The following CDK14 variants were observed in gnomAD, a reference collection of about 807,000 sequenced individuals.
CDK14 encodes the protein cyclin-dependent kinase 14.
Under a neutral mutation model 60.7 loss-of-function variants are expected in CDK14, and 34 were observed. The observed-to-expected ratio is 0.56, with a 90% CI of 0.43 to 0.75. The LOEUF (loss-of-function observed/expected upper bound fraction) is 0.75, where lower values mean the gene tolerates loss of function less well. Ranked by LOEUF, CDK14 falls within the 30% of genes least tolerant of loss-of-function variation. The pLI is 0.00. For synonymous variants in CDK14, 197 were observed against 203.7 expected (o/e 0.97, Z 0.28); for missense variants, 482 against 564.1 (o/e 0.85, Z 1.47).
intron 5 of CDK14, among the ~76,000 whole-genome samples, chr7:90,821,241 A>G (rs1413700960): frequency 2.0e-5 from 3 of 152,176 alleles, no homozygotes; most frequent in African/African-American, 7.2e-5. Context: ...AGACACAGCT[A>G]TAAGGAAGTG....
chr7:91,084,577 T>G (rs1473362101), intron 12 of CDK14, among the ~76,000 whole-genome samples: 2 of 152,272 alleles, frequency 1.3e-5, no homozygotes, highest in Non-Finnish European at 2.9e-5. Flanking sequence ...CCTGTCATTT[T>G]GTGTCATTGC....
intron 2 of CDK14, among the ~76,000 whole-genome samples, chr7:90,720,866 C>G (rs1802423932): frequency 1.3e-5 from 2 of 152,062 alleles, no homozygotes; most frequent in Non-Finnish European, 2.9e-5. Context: ...GCCACGGTTA[C>G]AGGATCTGAG....
chr7:90,980,444 G>A (rs2115613315), intron 9 of CDK14, among the ~76,000 whole-genome samples: 1 of 152,164 alleles, frequency 6.6e-6, no homozygotes, highest in Non-Finnish European at 1.5e-5. Context: ...ACCATTCAGT[G>A]CAGTCAATTT....
intron 6 of CDK14, among the ~76,000 whole-genome samples, chr7:90,895,624 G>C (rs900898103): frequency 7.4e-6 from 1 of 135,752 alleles, no homozygotes; most frequent in Non-Finnish European, 1.6e-5. Flanking sequence ...GTAGTGGCTT[G>C]ATCTTGACTC....
intron 2 of CDK14, among the ~76,000 whole-genome samples, chr7:90,666,760 A>G (rs1303532751): frequency 2.0e-5 from 3 of 152,224 alleles, no homozygotes; most frequent in Non-Finnish European, 4.4e-5. Flanking sequence ...AATGGATTCC[A>G]TGACATCGTT....
intron 2 of CDK14, among the ~76,000 whole-genome samples, chr7:90,711,958 A>G (rs770915493): frequency 6.8e-6 from 1 of 147,712 alleles, no homozygotes; most frequent in Non-Finnish European, 1.5e-5. Flanking sequence ...TCCTGGACTC[A>G]TGTGACCCTC....
At chr7:91,010,801 T>TTTCCTTCCTTCCTTCCTTCC (rs1253624022) in intron 10 of CDK14, among the ~76,000 whole-genome samples, 22 of 86,194 alleles carry the variant, frequency 2.6e-4, no homozygotes, top group South Asian at 5.6e-4. Flanking sequence ...TCCTTCCTTC[T>TTTCCTTCCTTCCTTCCTTCC]TTCCTTCCTT....
chr7:90,836,465 T>C (rs938796067), intron 5 of CDK14, among the ~76,000 whole-genome samples: 7 of 152,164 alleles, frequency 4.6e-5, no homozygotes, highest in Admixed American at 2.6e-4. Flanking sequence ...TCCACCTCGA[T>C]GTCTTGTCCC....
At chr7:91,189,402 AAAAGTT>A (rs1256985803) in intron 14 of CDK14, among the ~76,000 whole-genome samples, 3 of 152,214 alleles carry the variant, frequency 2.0e-5, no homozygotes. Flanking sequence ...AATATCTAGT[AAAAGTT>A]AAAGTTCTCA....
intron 3 of CDK14, among the ~76,000 whole-genome samples, chr7:90,728,183 A>G (rs1563059460): frequency 1.3e-5 from 2 of 151,818 alleles, no homozygotes; most frequent in African/African-American, 2.4e-5. Flanking sequence ...TGTTTGTGGA[A>G]CTTTCTAGGA....
chr7:91,177,106 C>T (rs1212458876), intron 14 of CDK14, among the ~76,000 whole-genome samples: 1 of 150,682 alleles, frequency 6.6e-6, no homozygotes, highest in Non-Finnish European at 1.5e-5. Context: ...AAAAGCTTAT[C>T]CACCATGATC....
chr7:90,665,184 C>T (rs1584779264), intron 2 of CDK14, among the ~76,000 whole-genome samples: 1 of 151,926 alleles, frequency 6.6e-6, no homozygotes. Flanking sequence ...ACTCGGGAGG[C>T]TGAGGCAGGA....
chr7:91,141,649 ACCAGCT>A (rs1186424553), intron 14 of CDK14, among the ~76,000 whole-genome samples: 1 of 152,056 alleles, frequency 6.6e-6, no homozygotes, highest in East Asian at 1.9e-4. Context: ...CATCTCGGCT[ACCAGCT>A]TCTCCATGAT....
intron 3 of CDK14, among the ~76,000 whole-genome samples, chr7:90,728,616 A>G (rs902912411): frequency 1.3e-5 from 2 of 151,912 alleles, no homozygotes; most frequent in African/African-American, 4.8e-5. Flanking sequence ...TTCCTTTTAC[A>G]TATTCTCTGA....
At chr7:91,165,174 A>G (rs1051249119) in intron 14 of CDK14, among the ~76,000 whole-genome samples, 3 of 152,196 alleles carry the variant, frequency 2.0e-5, no homozygotes, top group Non-Finnish European at 2.9e-5. Context: ...CATTATGCAC[A>G]GTAGTAACTA....
intron 2 of CDK14, among the ~76,000 whole-genome samples, chr7:90,640,962 G>A (rs973148963): frequency 6.6e-6 from 1 of 151,942 alleles, no homozygotes; most frequent in Non-Finnish European, 1.5e-5. Context: ...CTTCAAAGAG[G>A]ATATACACAT....
At chr7:91,140,935 A>C (rs1800438268) in intron 14 of CDK14, among the ~76,000 whole-genome samples, 1 of 152,082 alleles carries the variant, frequency 6.6e-6, no homozygotes, top group South Asian at 2.1e-4. Flanking sequence ...AAAAATCTAG[A>C]CCATCTTACA....
chr7:91,063,558 G>C (rs915375556), intron 11 of CDK14, among the ~76,000 whole-genome samples: 1 of 152,200 alleles, frequency 6.6e-6, no homozygotes, highest in Non-Finnish European at 1.5e-5. Flanking sequence ...TTTAGAGCCA[G>C]CTTTGTAAAT....
chr7:90,705,481 T>G (rs1042958745), intron 2 of CDK14, among the ~76,000 whole-genome samples: 2 of 151,984 alleles, frequency 1.3e-5, no homozygotes, highest in African/African-American at 4.8e-5. Flanking sequence ...GGCAGCCTCT[T>G]GTGTCTGAGA....
Sources: allele counts gnomAD v4.1 joint callset (sites outside exome capture counted in the v4.1 genomes callset), GRCh38; gene constraint gnomAD v4.1.1; transcripts MANE v1.5; gene names NCBI Gene and HGNC (gene_info 2026-07-23, HGNC 2026-07-21).